Variants in SPAG17 observed in about 807,000 individuals in gnomAD.
The protein encoded by SPAG17 is sperm-associated antigen 17.
Under a neutral mutation model 273.6 loss-of-function variants are expected in SPAG17, and 169 were observed. That is an observed-to-expected ratio of 0.62 (90% CI 0.55 to 0.70). The LOEUF is 0.70. Among genes scored for constraint, SPAG17 ranks in the 30% least tolerant of loss-of-function variants. SPAG17 has a pLI of 0.00. For missense variants in SPAG17, 2,557 were observed against 2,627.8 expected, an observed-to-expected ratio of 0.97 and a Z score of 0.59; for synonymous variants, 825 against 873.2, an observed-to-expected ratio of 0.94 and a Z score of 0.97.
chr1:118,098,168 A>T (rs983152147), intron 6 of SPAG17, among the ~76,000 whole-genome samples: 1 of 152,216 alleles, frequency 6.6e-6, no homozygotes, highest in Non-Finnish European at 1.5e-5. Context: ...TTAGATGACA[A>T]TCTACATAGG....
intron 3 of SPAG17, among the ~76,000 whole-genome samples, chr1:118,123,955 G>A (rs1323450191): frequency 6.6e-6 from 1 of 152,140 alleles, no homozygotes; most frequent in Non-Finnish European, 1.5e-5. Context: ...TGTACATTTT[G>A]AACAACCAAT....
At position 118,010,282 on chromosome 1, in the gene SPAG17, AACCG is replaced by A. The variant is rs1557902292; in HGVS notation, c.4432+1942_4432+1945del. On this transcript the variant is annotated intron_variant, in intron 30 of 48. Transcript: ENST00000336338. ...AAAGAACAAAGCTGGAGGCAACCGT[AACCG>A]TGCTACTCAACTATAAGCTATACTA... Among the ~76,000 whole-genome samples the A allele has an allele frequency of 4.8e-3, 645 of 133,398 alleles. 4 individuals carry two copies. Among genetic ancestry groups the A allele is most frequent in the African/African-American group, 0.016 (613 of 37,746 alleles). The allele number at this position is 133,398 out of a possible 152,430, so 87.5% of individuals were successfully genotyped here.
At chr1:118,066,968 G>C in intron 17 of SPAG17, 69 bp from the exon 18 acceptor site, 1 of 1,425,354 alleles carries the variant, frequency 7.0e-7, no homozygotes, top group Non-Finnish European at 9.4e-7. Context: ...TCCTACTAGG[G>C]CATTTCTCTA....
chr1:118,169,976 T>C (rs973661704), intron 1 of SPAG17, among the ~76,000 whole-genome samples: 8 of 152,200 alleles, frequency 5.3e-5, no homozygotes, highest in African/African-American at 1.9e-4. Flanking sequence ...TTAACTTAAA[T>C]GCCTTCTGGT....
chr1:118,049,833 A>AC (rs1160396734), intron 20 of SPAG17, among the ~76,000 whole-genome samples: 1 of 152,184 alleles, frequency 6.6e-6, no homozygotes, highest in Non-Finnish European at 1.5e-5. Context: ...ATGCCAGATG[A>AC]CCATCAGGTG....
chr1:117,996,438 T>A lies in SPAG17; in HGVS notation c.4985A>T (p.Glu1662Val), dbSNP rs1557882595. 6.2e-7 allele frequency: 1 copy of A among 1,613,112 alleles called. No individual in the cohort carries two copies. The change falls in exon 34 of 49, where the codon GAA (glutamate) becomes GTA (valine). Residue 1662 changes from glutamate (E) to valine (V), a missense_variant. Glu to Val is a moderately radical substitution (Grantham distance 121). Transcript: ENST00000336338. ...MELLRDSDIE[E>V]YLSLAYKESN... ...TTCTTTATATGCCAAAGATAGATAT[T>A]CTTCTATGTCACTGTCTCGAAGAAG...
chr1:118,088,792 C>G (rs1655172623), intron 10 of SPAG17, among the ~76,000 whole-genome samples: 1 of 151,998 alleles, frequency 6.6e-6, no homozygotes, highest in Admixed American at 6.6e-5. Flanking sequence ...CTGGAATTCC[C>G]AAAGGGATAA....
chr1:118,063,352 A>T (rs1571383237), intron 18 of SPAG17, among the ~76,000 whole-genome samples: 1 of 152,330 alleles, frequency 6.6e-6, no homozygotes, highest in African/African-American at 2.4e-5. Flanking sequence ...AGGCTACAGT[A>T]ACCAAAACAG....
At chr1:118,008,306 G>A (rs1557899921) in intron 30 of SPAG17, 108 bp from the exon 31 acceptor site, 2 of 1,280,980 alleles carry the variant, frequency 1.6e-6, no homozygotes, top group Admixed American at 2.1e-5. Context: ...ATTCCCCATG[G>A]AAAAAACACA....
intron 20 of SPAG17, among the ~76,000 whole-genome samples, chr1:118,047,413 C>T (rs1650484145): frequency 6.6e-6 from 1 of 152,164 alleles, no homozygotes; most frequent in Non-Finnish European, 1.5e-5. Flanking sequence ...CATGCCTGCC[C>T]CAATGCCAGG....
intron 29 of SPAG17, 128 bp from the exon 30 acceptor site, chr1:118,012,500 A>C: frequency 9.9e-7 from 1 of 1,005,484 alleles, no homozygotes; most frequent in Non-Finnish European, 1.4e-6. Context: ...GCAAAGTTTT[A>C]TCTCATCTAC....
At chr1:118,139,866 C>G (rs1464997213) in intron 3 of SPAG17, among the ~76,000 whole-genome samples, 2 of 151,938 alleles carry the variant, frequency 1.3e-5, no homozygotes, top group Non-Finnish European at 2.9e-5. Flanking sequence ...AAACTTAATC[C>G]CCATTGTGGC....
At chr1:118,111,603 C>T (rs1203581791) in intron 4 of SPAG17, among the ~76,000 whole-genome samples, 1 of 116,646 alleles carries the variant, frequency 8.6e-6, no homozygotes, top group Non-Finnish European at 1.9e-5. Context: ...AATGGCATTA[C>T]CTTGGCTGGT....
In SPAG17 at chr1:118,012,318, G is replaced by A; in HGVS notation, c.4342C>T (p.Arg1448Trp). ...VVIVERKDGT[R>W]IVDHADGTRI... ...GTACCATCAGCATGATCCACTATCC[G>A]AGTACCATCTTTCCTTTCAACTATG... is the stretch of plus-strand genomic sequence containing the variant. Residue 1448 changes from arginine (R) to tryptophan (W), a missense_variant, in exon 30 of 49, where the codon CGG becomes TGG. Coordinates refer to ENST00000336338, the MANE Select transcript of SPAG17 (RefSeq NM_206996.4). 2 of 1,613,616 alleles carry A rather than the reference G, an allele frequency of 1.2e-6. No individual in the cohort carries two copies. Among genetic ancestry groups the A allele is most frequent in the Non-Finnish European group, 8.5e-7 (1 of 1,179,720 alleles).
At chr1:117,976,765 G>T (rs1365864103) in intron 43 of SPAG17, among the ~76,000 whole-genome samples, 2 of 152,172 alleles carry the variant, frequency 1.3e-5, no homozygotes, top group African/African-American at 4.8e-5. Flanking sequence ...GAGCTGCCAT[G>T]GACATCCACA....
At chr1:117,998,309 G>A (rs746610342) in intron 32 of SPAG17, among the ~76,000 whole-genome samples, 1 of 152,058 alleles carries the variant, frequency 6.6e-6, no homozygotes, top group Non-Finnish European at 1.5e-5. Context: ...TATTGACTAG[G>A]GAGTCCTTTC....
At chr1:118,095,719 T>A (rs888351398) in intron 7 of SPAG17, among the ~76,000 whole-genome samples, 17 of 152,146 alleles carry the variant, frequency 1.1e-4, no homozygotes, top group African/African-American at 4.1e-4. Flanking sequence ...ATATGTCACT[T>A]TTTTTAGTAT....
intron 20 of SPAG17, among the ~76,000 whole-genome samples, chr1:118,044,814 G>A (rs1015512916): frequency 3.3e-5 from 5 of 152,138 alleles, no homozygotes; most frequent in Non-Finnish European, 7.3e-5. Flanking sequence ...CATGGAGGAT[G>A]TGCCTGCCTC....
chr1:118,085,510 A>ATGCGTGCGTGCATACGCG (rs140946346), intron 13 of SPAG17, among the ~76,000 whole-genome samples: 9,010 of 151,964 alleles, frequency 0.059, 406 homozygotes, highest in East Asian at 0.24. Flanking sequence ...ATATGCGTGC[A>ATGCGTGCGTGCATACGCG]TGCGTGCGTG....
Sources: allele counts gnomAD v4.1 joint callset (sites outside exome capture counted in the v4.1 genomes callset), GRCh38; gene constraint gnomAD v4.1.1; transcripts MANE v1.5; gene names NCBI Gene and HGNC (gene_info 2026-07-23, HGNC 2026-07-21).